Variants in KCNIP1 observed in about 807,000 individuals in gnomAD.
KCNIP1 encodes the protein potassium voltage-gated channel interacting protein 1.
KCNIP1 carries 18 observed loss-of-function variants against 33.0 expected under a neutral mutation model. That is an observed-to-expected ratio of 0.55 (90% confidence interval 0.38 to 0.81). The LOEUF (loss-of-function observed/expected upper bound fraction) is 0.81. Ranked by LOEUF, KCNIP1 falls within the 30% of genes least tolerant of loss-of-function variation. The pLI is 0.00. For synonymous variants in KCNIP1, 93 were observed against 98.3 expected (o/e 0.95, Z 0.32); for missense variants, 238 against 271.6 (o/e 0.88, Z 0.87).
At chr5:170,560,935 T>G (rs1329654379) in intron 1 of KCNIP1, among the ~76,000 whole-genome samples, 7 of 151,996 alleles carry the variant, frequency 4.6e-5, no homozygotes, top group Non-Finnish European at 8.8e-5. Context: ...CTCTCTAATC[T>G]CTCTCTAACT....
At chr5:170,383,949 A>T in intron 1 of KCNIP1, 4 of 1,272,492 alleles carry the variant, frequency 3.1e-6, no homozygotes, top group Non-Finnish European at 4.4e-6. Context: ...CTCTAGAGGG[A>T]TCCAGGACTG....
chr5:170,672,882 T>G (rs1761978873), intron 1 of KCNIP1, among the ~76,000 whole-genome samples: 2 of 152,258 alleles, frequency 1.3e-5, no homozygotes, highest in South Asian at 4.1e-4. Flanking sequence ...TTGGTTTGTC[T>G]TCAAGGGTGA....
At chr5:170,379,031 G>A in intron 1 of KCNIP1, 1 of 1,574,956 alleles carries the variant, frequency 6.3e-7, no homozygotes, top group Non-Finnish European at 8.6e-7. Flanking sequence ...TTAGCCAAGG[G>A]CTTGATATGG....
rs1429496643 is a variant in KCNIP1 at position 170,722,301 on chromosome 5, TC to T, written c.327+399del. Among the ~76,000 whole-genome samples, 4 of 152,102 alleles carry T rather than the reference TC, an allele frequency of 2.6e-5. No individual in the cohort carries two copies. In the South Asian group the frequency reaches 6.2e-4, roughly 24 times the overall value. ...GAGAGATAGAGTAGTTTTCCCAAGG[TC>T]AAAGAGCACATAAATGATAAAGGAT... On this transcript the variant is annotated intron_variant, in intron 4 of 7. Transcript: ENST00000328939.
intron 1 of KCNIP1, among the ~76,000 whole-genome samples, chr5:170,415,209 C>T (rs942845373): frequency 6.6e-6 from 1 of 152,002 alleles, no homozygotes; most frequent in Admixed American, 6.6e-5. Flanking sequence ...TAGAGGAAGC[C>T]GGGGAGGGGT....
chr5:170,568,750 G>C (rs942198737), intron 1 of KCNIP1, among the ~76,000 whole-genome samples: 1 of 151,368 alleles, frequency 6.6e-6, no homozygotes, highest in Admixed American at 6.6e-5. Flanking sequence ...TTGGACCTGA[G>C]AGGTGGAGGT....
At chr5:170,625,552 C>G (rs1039774495) in intron 1 of KCNIP1, among the ~76,000 whole-genome samples, 4 of 152,230 alleles carry the variant, frequency 2.6e-5, no homozygotes, top group Non-Finnish European at 4.4e-5. Context: ...TCTGAATGCA[C>G]TCCCACCAAT....
At chr5:170,513,446 A>G (rs1189571795) in intron 1 of KCNIP1, among the ~76,000 whole-genome samples, 1 of 152,210 alleles carries the variant, frequency 6.6e-6, no homozygotes, top group East Asian at 1.9e-4. Context: ...TCTTTTTAAC[A>G]ACAAAGAAGT....
chr5:170,647,475 A>G (rs963419860), intron 1 of KCNIP1, among the ~76,000 whole-genome samples: 6 of 152,112 alleles, frequency 3.9e-5, no homozygotes, highest in Admixed American at 3.9e-4. Context: ...ACCCACATGA[A>G]TAGAGTTGAC....
At chr5:170,603,267 G>A (rs13154949) in intron 1 of KCNIP1, among the ~76,000 whole-genome samples, 27,246 of 152,274 alleles carry the variant, frequency 0.18, 2,728 homozygotes, top group Middle Eastern at 0.3. Flanking sequence ...TGGAGGTTCT[G>A]CTGAGCTGAA....
chr5:170,378,344 G>A (rs1409243910), intron 1 of KCNIP1: 6 of 203,244 alleles, frequency 3.0e-5, no homozygotes, highest in East Asian at 2.3e-4. Context: ...GATGGGTACC[G>A]CTTTGAGACA....
At chr5:170,385,281 T>A in intron 1 of KCNIP1, 1 of 1,611,712 alleles carries the variant, frequency 6.2e-7, no homozygotes, top group East Asian at 2.2e-5. Context: ...TAGGAGAGGG[T>A]TGGGGGGTGG....
rs549506619 is a variant in KCNIP1 at position 170,355,816 on chromosome 5, C to T, written c.88+1852C>T. Among the ~76,000 whole-genome samples the T allele has an allele frequency of 2.9e-3, 444 of 152,332 alleles. 3 individuals carry two copies. Among genetic ancestry groups the T allele is most frequent in the African/African-American group, 0.01 (418 of 41,570 alleles). On this transcript the variant is annotated intron_variant, in intron 1 of 7. Coordinates refer to the KCNIP1 transcript ENST00000377360. The stretch of plus-strand genomic sequence containing the variant: ...TGACACAGAAGGGACTCCGTGGGGA[C>T]CTGGCCTTCCTGTGAACTGCTTCAG...
At chr5:170,657,345 C>T (rs936921855) in intron 1 of KCNIP1, among the ~76,000 whole-genome samples, 1 of 152,094 alleles carries the variant, frequency 6.6e-6, no homozygotes, top group Non-Finnish European at 1.5e-5. Flanking sequence ...TCAGCATTTC[C>T]AAGACCTGGG....
rs558392038 is a variant in KCNIP1 at position 170,366,717 on chromosome 5, C to T, written c.88+12753C>T. 1.6e-3 allele frequency among the ~76,000 whole-genome samples: 248 copies of T among 152,292 alleles called. 1 individual carries two copies. The highest frequency in any genetic ancestry group is 6.0e-4 in the Non-Finnish European group (41 of 68,008). Reference sequence around the variant, plus strand: ...ACCCTTGAGTAAGCTACCCTCAAAACGGAGCCTCCTCTGGCTGGTAGCTGG... The same window carrying T: ...ACCCTTGAGTAAGCTACCCTCAAAATGGAGCCTCCTCTGGCTGGTAGCTGG... On this transcript the variant is annotated intron_variant, in intron 1 of 7. Transcript: ENST00000377360.
chr5:170,720,683 C>T (rs779210288), intron 3 of KCNIP1, among the ~76,000 whole-genome samples: 1 of 152,174 alleles, frequency 6.6e-6, no homozygotes, highest in African/African-American at 2.4e-5. Flanking sequence ...AACTGAGTTT[C>T]GGGGAAGATA....
intron 1 of KCNIP1, among the ~76,000 whole-genome samples, chr5:170,633,547 T>C (rs1344518360): frequency 6.7e-6 from 1 of 148,742 alleles, no homozygotes; most frequent in Non-Finnish European, 1.5e-5. Context: ...CTTTCCAGGA[T>C]GGAAAATGAA....
At chr5:170,665,616 A>G (rs4868009) in intron 1 of KCNIP1, among the ~76,000 whole-genome samples, 99,512 of 152,088 alleles carry the variant, frequency 0.65, 33,713 homozygotes, top group African/African-American at 0.83. Context: ...CAAATGTTGC[A>G]ATATTATTAT....
At chr5:170,372,379 GT>G (rs1227395353) in intron 1 of KCNIP1, among the ~76,000 whole-genome samples, 1 of 152,060 alleles carries the variant, frequency 6.6e-6, no homozygotes, top group Non-Finnish European at 1.5e-5. Context: ...TATTTAGGGG[GT>G]TTTATGAAGA....
Sources: allele counts gnomAD v4.1 joint callset (sites outside exome capture counted in the v4.1 genomes callset), GRCh38; gene constraint gnomAD v4.1.1; transcripts MANE v1.5; gene names NCBI Gene and HGNC (gene_info 2026-07-23, HGNC 2026-07-21).